The following AATF variants were observed in gnomAD, a reference collection of about 807,000 sequenced individuals.
AATF encodes the protein apoptosis antagonizing transcription factor, also known as protein AATF.
AATF carries 48 observed loss-of-function variants against 63.7 expected under a neutral mutation model. That is an observed-to-expected ratio of 0.75 (90% CI 0.60 to 0.96). The LOEUF is 0.96. Ranked by LOEUF, AATF falls within the 40% of genes least tolerant of loss-of-function variation. The pLI is 0.00. For synonymous variants in AATF, 258 were observed against 247.7 expected (o/e 1.04, Z -0.39); for missense variants, 639 against 685.7 (o/e 0.93, Z 0.76).
intron 8 of AATF, among the ~76,000 whole-genome samples, chr17:37,003,757 A>G (rs939896662): frequency 1.3e-5 from 2 of 149,904 alleles, no homozygotes; most frequent in African/African-American, 4.9e-5. Context: ...GCGAGCCACC[A>G]TGTCTGACCA....
chr17:36,984,885 G>A (rs947585206), intron 4 of AATF, among the ~76,000 whole-genome samples: 1 of 149,094 alleles, frequency 6.7e-6, no homozygotes, highest in East Asian at 2.0e-4. Flanking sequence ...CAATCATCCC[G>A]TCCTGGCCTC....
intron 10 of AATF, among the ~76,000 whole-genome samples, chr17:37,024,599 C>A (rs917776040): frequency 4.6e-5 from 7 of 152,154 alleles, no homozygotes; most frequent in African/African-American, 1.7e-4. Flanking sequence ...GGACTTTATT[C>A]TGTAGACTGT....
At chr17:37,054,885 A>G (rs1342657476) in intron 11 of AATF, 2 of 152,238 alleles carry the variant, frequency 1.3e-5, no homozygotes, top group Non-Finnish European at 2.9e-5. Flanking sequence ...TTTTGTGTGG[A>G]AACAGCTAGA....
Position 37,019,113 on chromosome 17 carries a change from G to T in AATF, c.1466+41G>T, listed in dbSNP as rs975283670. The stretch of plus-strand genomic sequence containing the variant: ...CTTTCTGTTCATGCAAGCAGCCTAT[G>T]TAATAGTTTCTCCCCTTGAGTCCCT... On this transcript the variant is annotated intron_variant, in intron 9 of 11. Coordinates refer to ENST00000619387, the MANE Select transcript of AATF (RefSeq NM_012138.4). 1.9e-6 allele frequency: 3 copies of T among 1,542,220 alleles called. No homozygotes were observed. In the East Asian group the frequency reaches 6.7e-5, roughly 35 times the overall value.
At chr17:37,020,015 G>A (rs1207486393) in intron 9 of AATF, among the ~76,000 whole-genome samples, 1 of 151,642 alleles carries the variant, frequency 6.6e-6, no homozygotes, top group Non-Finnish European at 1.5e-5. Flanking sequence ...TTTTTTTCTG[G>A]TGTTGAATTT....
intron 4 of AATF, among the ~76,000 whole-genome samples, chr17:36,964,758 T>TC (rs915056456): frequency 8.4e-5 from 9 of 106,954 alleles, no homozygotes; most frequent in South Asian, 7.2e-4. Context: ...TTTGCCCCCC[T>TC]CCCCCCCACT....
At chr17:36,993,864 G>A (rs1362726515) in intron 8 of AATF, among the ~76,000 whole-genome samples, 2 of 152,092 alleles carry the variant, frequency 1.3e-5, no homozygotes, top group African/African-American at 4.8e-5. Flanking sequence ...CCTAACTACT[G>A]AGAATGATGT....
In AATF at chr17:36,968,266, C is replaced by CTTTTTTTTTTTTTTT. The variant is rs2071009164; in HGVS notation, c.832+14362_832+14363insTTTTTTTTTTTTTTT. On this transcript the variant is annotated intron_variant, in intron 4 of 11. Coordinates refer to ENST00000619387, the MANE Select transcript of AATF (RefSeq NM_012138.4). The stretch of plus-strand genomic sequence containing the variant: ...CTTTTTTCTTTTTCTTTCTTTCCTT[C>CTTTTTTTTTTTTTTT]TTTCTTTTTTTTTTTTTTTTTTTTT... Among the ~76,000 whole-genome samples the CTTTTTTTTTTTTTTT allele has an allele frequency of 7.9e-5, 6 of 75,580 alleles. 1 individual carries two copies. Among genetic ancestry groups the CTTTTTTTTTTTTTTT allele is most frequent in the African/African-American group, 2.7e-4 (5 of 18,500 alleles). The allele number at this position is 75,580 out of a possible 152,430, so 49.6% of individuals were successfully genotyped here. A position where few individuals can be genotyped will look rare whatever the true frequency, so the allele number is the denominator to read the frequency against.
chr17:37,034,583 A>C (rs2071576045), intron 11 of AATF: 1 of 152,152 alleles, frequency 6.6e-6, no homozygotes, highest in South Asian at 2.1e-4. Flanking sequence ...ACTGATTTCA[A>C]GGTAGTGAAG....
intron 4 of AATF, among the ~76,000 whole-genome samples, chr17:36,956,360 T>C (rs2070899768): frequency 6.6e-6 from 1 of 152,226 alleles, no homozygotes; most frequent in Non-Finnish European, 1.5e-5. Flanking sequence ...CTCCCCTGTC[T>C]TGATAAACAG....
intron 8 of AATF, among the ~76,000 whole-genome samples, chr17:37,005,339 T>A (rs991236023): frequency 5.3e-5 from 8 of 152,072 alleles, no homozygotes; most frequent in African/African-American, 1.7e-4. Flanking sequence ...TTCACCTGGG[T>A]AAGGAGAGAA....
At chr17:36,951,531 C>T (rs895089010) in intron 2 of AATF, among the ~76,000 whole-genome samples, 1 of 152,116 alleles carries the variant, frequency 6.6e-6, no homozygotes, top group African/African-American at 2.4e-5. Flanking sequence ...ATTTAATCCT[C>T]CCAATTGCGC....
intron 4 of AATF, among the ~76,000 whole-genome samples, chr17:36,962,975 C>T (rs1010267397): frequency 2.0e-5 from 3 of 151,990 alleles, no homozygotes; most frequent in Non-Finnish European, 2.9e-5. Flanking sequence ...AAAAATGAGC[C>T]GGGAGTGGTG....
At chr17:37,048,727 AC>A (rs1172880797) in intron 11 of AATF, among the ~76,000 whole-genome samples, 3 of 152,164 alleles carry the variant, frequency 2.0e-5, no homozygotes, top group African/African-American at 7.2e-5. Context: ...CCCGTGACAT[AC>A]ATAGGGCTGC....
chr17:37,009,669 T>C (rs1160424763), intron 8 of AATF, among the ~76,000 whole-genome samples: 3 of 146,230 alleles, frequency 2.1e-5, no homozygotes, highest in East Asian at 4.2e-4. Flanking sequence ...TACAAAAAAT[T>C]AGCCGGGCGC....
chr17:36,997,983 A>G (rs2071267131), intron 8 of AATF, among the ~76,000 whole-genome samples: 1 of 152,220 alleles, frequency 6.6e-6, no homozygotes, highest in Admixed American at 6.5e-5. Context: ...AATGGAAAAC[A>G]AACATCATAT....
intron 4 of AATF, among the ~76,000 whole-genome samples, chr17:36,957,999 C>T (rs2070915960): frequency 6.6e-6 from 1 of 152,114 alleles, no homozygotes. Flanking sequence ...CTTGGTGTTA[C>T]ATGTTGGTAA....
chr17:36,997,705 C>T (rs2071264864), intron 8 of AATF, among the ~76,000 whole-genome samples: 1 of 152,290 alleles, frequency 6.6e-6, no homozygotes, highest in Admixed American at 6.5e-5. Context: ...ACCATTTGAT[C>T]CAGCAATCTC....
chr17:37,028,244 T>C (rs2071525001), intron 10 of AATF, among the ~76,000 whole-genome samples: 1 of 151,580 alleles, frequency 6.6e-6, no homozygotes, highest in Admixed American at 6.6e-5. Context: ...AGACCCTCTC[T>C]CTACCAAAAA....
Sources: allele counts gnomAD v4.1 joint callset (sites outside exome capture counted in the v4.1 genomes callset), GRCh38; gene constraint gnomAD v4.1.1; transcripts MANE v1.5; gene names NCBI Gene and HGNC (gene_info 2026-07-23, HGNC 2026-07-21).